LINGO2: variants seen among roughly 807,000 people sequenced by gnomAD.
The protein encoded by LINGO2 is leucine rich repeat and Ig domain containing 2.
A neutral mutation model predicts 30.6 loss-of-function variants in LINGO2; 14 were observed. That is an observed-to-expected ratio of 0.46 (90% CI 0.30 to 0.72). LINGO2 has a LOEUF of 0.72. LINGO2 is among the 30% of genes least tolerant of loss of function. The probability of loss-of-function intolerance (pLI) is 0.07; values close to 1 mark genes in which losing one functional copy is unlikely to be tolerated. For synonymous variants in LINGO2, 317 were observed against 288.5 expected (o/e 1.10, Z -1.00); for missense variants, 729 against 751.7 (o/e 0.97, Z 0.35).
chr9:28,368,225 C>T (rs957191904), intron 3 of LINGO2, among the ~76,000 whole-genome samples: 3 of 151,966 alleles, frequency 2.0e-5, no homozygotes, highest in Non-Finnish European at 4.4e-5. Flanking sequence ...TACAATTCTC[C>T]CCTCTGTTTA....
At chr9:28,909,167 T>C in the LINGO2 span, among the ~76,000 whole-genome samples, 9 of 151,972 alleles carry the variant, frequency 5.9e-5, no homozygotes, top group African/African-American at 1.2e-4. Flanking sequence ...TTCTGTCTGA[T>C]AGATGTGTTG....
At chr9:28,241,518 G>C (rs1821800050) in intron 4 of LINGO2, among the ~76,000 whole-genome samples, 1 of 152,032 alleles carries the variant, frequency 6.6e-6, no homozygotes, top group Admixed American at 6.6e-5. Context: ...GAGCCACAGG[G>C]GGCAGGGGAG....
intron 4 of LINGO2, among the ~76,000 whole-genome samples, chr9:28,084,866 T>A (rs1825866751): frequency 6.6e-6 from 1 of 152,140 alleles, no homozygotes; most frequent in Non-Finnish European, 1.5e-5. Context: ...CCAGGAGTTA[T>A]GATGGATTTG....
chr9:28,811,000 TTCCAGCTGACTAC>T, the LINGO2 span, among the ~76,000 whole-genome samples: 1 of 152,162 alleles, frequency 6.6e-6, no homozygotes, highest in Admixed American at 6.5e-5. Flanking sequence ...AGCTTCTTAT[TTCCAGCTGACTAC>T]TCCTTGTCAC....
the LINGO2 span, among the ~76,000 whole-genome samples, chr9:28,742,358 G>C: frequency 2.7e-5 from 4 of 150,800 alleles, no homozygotes; most frequent in Non-Finnish European, 5.9e-5. Flanking sequence ...TTTGTATGCA[G>C]ATACTTCTTC....
intron 4 of LINGO2, among the ~76,000 whole-genome samples, chr9:28,180,918 T>C (rs969573321): frequency 6.6e-6 from 1 of 152,088 alleles, no homozygotes; most frequent in Admixed American, 6.6e-5. Flanking sequence ...GTTCACATAG[T>C]CAAATTGATA....
the LINGO2 span, among the ~76,000 whole-genome samples, chr9:28,755,488 T>C: frequency 2.0e-5 from 3 of 152,040 alleles, no homozygotes; most frequent in Non-Finnish European, 4.4e-5. Context: ...TAATATCAAG[T>C]TGTAAAAATG....
the LINGO2 span, among the ~76,000 whole-genome samples, chr9:28,990,931 G>A: frequency 5.3e-5 from 8 of 152,270 alleles, no homozygotes; most frequent in East Asian, 9.7e-4. Flanking sequence ...AGAGCAGAAA[G>A]ACTGGAAACT....
At chr9:28,067,842 T>C (rs1046111052) in intron 4 of LINGO2, among the ~76,000 whole-genome samples, 13 of 152,212 alleles carry the variant, frequency 8.5e-5, no homozygotes, top group African/African-American at 3.1e-4. Flanking sequence ...ACGATGTAGA[T>C]ACGTTGGGCA....
chr9:28,630,318 T>C (rs1363148518), intron 1 of LINGO2, among the ~76,000 whole-genome samples: 1 of 152,080 alleles, frequency 6.6e-6, no homozygotes, highest in Admixed American at 6.6e-5. Flanking sequence ...ACGTTGTATG[T>C]TGTAACTATA....
chr9:28,641,083 G>C (rs9775571), intron 1 of LINGO2, among the ~76,000 whole-genome samples: 42,279 of 151,862 alleles, frequency 0.28, 6,798 homozygotes, highest in African/African-American at 0.45. Flanking sequence ...GCCCAGGCTG[G>C]AGTGCAGTGG....
At chr9:29,050,033 A>ATT in the LINGO2 span, among the ~76,000 whole-genome samples, 1 of 148,638 alleles carries the variant, frequency 6.7e-6, no homozygotes, top group Admixed American at 6.7e-5. Flanking sequence ...TGCTTATTAC[A>ATT]TTTTTTTTTT....
intron 4 of LINGO2, among the ~76,000 whole-genome samples, chr9:28,279,768 C>T (rs1270164917): frequency 6.6e-6 from 1 of 151,986 alleles, no homozygotes. Flanking sequence ...GGAGGTATGC[C>T]AGCCCTTCAA....
At chr9:28,690,757 C>T in the LINGO2 span, among the ~76,000 whole-genome samples, 7 of 151,020 alleles carry the variant, frequency 4.6e-5, no homozygotes, top group Admixed American at 2.6e-4. Flanking sequence ...TTCCCCTCTC[C>T]TCCTGACAAT....
At chr9:28,139,873 A>G (rs1219039119) in intron 4 of LINGO2, among the ~76,000 whole-genome samples, 4 of 152,230 alleles carry the variant, frequency 2.6e-5, no homozygotes, top group African/African-American at 7.2e-5. Context: ...GAACTCCCTT[A>G]CTAATCCTCT....
At chr9:29,168,308 G>T in the LINGO2 span, among the ~76,000 whole-genome samples, 1 of 151,988 alleles carries the variant, frequency 6.6e-6, no homozygotes, top group Admixed American at 6.6e-5. Flanking sequence ...TTGTATGTTT[G>T]ATGTAATAGA....
At chr9:28,714,184 T>C in the LINGO2 span, among the ~76,000 whole-genome samples, 3,346 of 93,610 alleles carry the variant, frequency 0.036, 200 homozygotes, top group African/African-American at 0.16. Flanking sequence ...TATATATATA[T>C]ATATACACAC....
chr9:28,681,876 G>A, the LINGO2 span, among the ~76,000 whole-genome samples: 415 of 152,244 alleles, frequency 2.7e-3, 3 homozygotes, highest in African/African-American at 9.5e-3. Flanking sequence ...TTAAGTGAAA[G>A]CTTATGATTC....
At chr9:29,071,519 G>A in the LINGO2 span, among the ~76,000 whole-genome samples, 11,689 of 71,202 alleles carry the variant, frequency 0.16, 710 homozygotes, top group African/African-American at 0.28. Flanking sequence ...ATATATATAT[G>A]TATATGTATA....
Sources: allele counts gnomAD v4.1 joint callset (sites outside exome capture counted in the v4.1 genomes callset), GRCh38; gene constraint gnomAD v4.1.1; transcripts MANE v1.5; gene names NCBI Gene and HGNC (gene_info 2026-07-23, HGNC 2026-07-21).